Variants in ZNF469 observed in about 807,000 individuals in gnomAD.
ZNF469 encodes the protein zinc finger protein 469.
A neutral mutation model predicts 1.0 loss-of-function variants in ZNF469; 1 was observed. The ratio of observed to expected loss-of-function variants is 1.00; its 90% CI spans 0.35 to 4.73. ZNF469 has a LOEUF of 4.73. Ranked by LOEUF, ZNF469 falls within the 30% of genes most tolerant of loss-of-function variation. The pLI, the probability that ZNF469 is intolerant of heterozygous loss-of-function variation, is 0.16. For missense variants in ZNF469, 6,100 were observed against 5,356.3 expected, an observed-to-expected ratio of 1.14 and a Z score of -4.33; for synonymous variants, 2,703 against 2,363.4, an observed-to-expected ratio of 1.14 and a Z score of -4.17.
At chr16:88,276,413 A>G in the ZNF469 span, 2 of 152,070 alleles carry the variant, frequency 1.3e-5, no homozygotes, top group Non-Finnish European at 2.9e-5. Context: ...GCTGCACCCT[A>G]CTGGTTTCCC....
chr16:88,265,563 C>T, the ZNF469 span, among the ~76,000 whole-genome samples: 4 of 152,178 alleles, frequency 2.6e-5, no homozygotes, highest in Non-Finnish European at 4.4e-5. Flanking sequence ...TAAAGGAGTG[C>T]GTGCAGCGTG....
intron 1 of ZNF469, among the ~76,000 whole-genome samples, chr16:88,384,668 C>T (rs1274325789): frequency 6.6e-6 from 1 of 152,210 alleles, no homozygotes; most frequent in African/African-American, 2.4e-5. Context: ...TCAAAGGGAA[C>T]CCAGGGGCCC....
chr16:88,219,977 A>T, the ZNF469 span, among the ~76,000 whole-genome samples: 1 of 152,204 alleles, frequency 6.6e-6, no homozygotes, highest in African/African-American at 2.4e-5. Flanking sequence ...TCCCCTAGAG[A>T]GAAAGCATCT....
At chr16:88,143,723 A>C in the ZNF469 span, among the ~76,000 whole-genome samples, 1 of 152,226 alleles carries the variant, frequency 6.6e-6, no homozygotes, top group Non-Finnish European at 1.5e-5. Context: ...GCTCTAATTA[A>C]GGGAACGTTG....
chr16:88,168,022 G>A, the ZNF469 span, among the ~76,000 whole-genome samples: 24 of 152,326 alleles, frequency 1.6e-4, no homozygotes, highest in East Asian at 4.2e-3. This position sits in a 1 kb window ranked among gnomAD's most constrained non-coding sequence, Gnocchi z 4.3. Flanking sequence ...CACCCGCTTC[G>A]CGATGAACCC....
chr16:88,178,781 C>T, the ZNF469 span: 5 of 152,212 alleles, frequency 3.3e-5, no homozygotes, highest in African/African-American at 7.2e-5. Context: ...CACAGTCACT[C>T]ACTCATTCAG....
chr16:88,252,967 C>G, the ZNF469 span, among the ~76,000 whole-genome samples: 1 of 152,180 alleles, frequency 6.6e-6, no homozygotes, highest in East Asian at 1.9e-4. Flanking sequence ...AGCATACGTT[C>G]CTTTGTATCT....
At chr16:88,286,421 C>A in the ZNF469 span, among the ~76,000 whole-genome samples, 3 of 152,246 alleles carry the variant, frequency 2.0e-5, no homozygotes, top group Non-Finnish European at 2.9e-5. Context: ...GTGCCCTCTT[C>A]TCCCTGCCCC....
chr16:88,276,370 T>G, the ZNF469 span: 1 of 152,298 alleles, frequency 6.6e-6, no homozygotes, highest in South Asian at 2.1e-4. Context: ...GCCCCTCTCC[T>G]CCACGGGGCC....
the ZNF469 span, among the ~76,000 whole-genome samples, chr16:88,372,722 C>T: frequency 6.7e-6 from 1 of 148,680 alleles, no homozygotes; most frequent in African/African-American, 2.5e-5. Flanking sequence ...TCATCATGAT[C>T]TTATCATCTT....
chr16:88,318,481 A>G, the ZNF469 span, among the ~76,000 whole-genome samples: 36 of 152,322 alleles, frequency 2.4e-4, no homozygotes, highest in African/African-American at 8.7e-4. Context: ...CCCCAGCTGC[A>G]TCTCAGGATC....
chr16:88,178,866 G>GCCTTCACCTGGAGGCCA, the ZNF469 span: 1 of 144,552 alleles, frequency 6.9e-6, no homozygotes, highest in African/African-American at 2.6e-5. Flanking sequence ...CCTGGAGGCC[G>GCCTTCACCTGGAGGCCA]CCTTCACCTG....
the ZNF469 span, among the ~76,000 whole-genome samples, chr16:88,167,766 GC>G: frequency 6.6e-6 from 1 of 152,224 alleles, no homozygotes. Context: ...TGGCCACCAA[GC>G]CCCCTCCCCT....
At chr16:88,418,966 G>A (rs1597201005) in intron 1 of ZNF469, among the ~76,000 whole-genome samples, 3 of 152,168 alleles carry the variant, frequency 2.0e-5, no homozygotes, top group African/African-American at 4.8e-5. Flanking sequence ...TGGGCTGCTC[G>A]GCTCCACCAG....
the ZNF469 span, among the ~76,000 whole-genome samples, chr16:88,365,782 C>T: frequency 1.9e-4 from 29 of 152,230 alleles, no homozygotes; most frequent in South Asian, 5.4e-3. Context: ...CATCTGTGGT[C>T]GGGGTAAGTG....
At chr16:88,279,649 A>G in the ZNF469 span, among the ~76,000 whole-genome samples, 4,825 of 24,788 alleles carry the variant, frequency 0.19, 493 homozygotes, top group East Asian at 0.37. Flanking sequence ...GGTCAGTACC[A>G]TGTAGATATC....
At chr16:88,359,810 G>A in the ZNF469 span, among the ~76,000 whole-genome samples, 1 of 152,156 alleles carries the variant, frequency 6.6e-6, no homozygotes, top group African/African-American at 2.4e-5. Flanking sequence ...ATTCTACAGT[G>A]ATGATCCATA....
the ZNF469 span, among the ~76,000 whole-genome samples, chr16:88,305,284 G>A: frequency 1.7e-5 from 2 of 116,386 alleles, no homozygotes; most frequent in African/African-American, 6.6e-5. Flanking sequence ...ATGCTCTCAG[G>A]CACACACACA....
the ZNF469 span, among the ~76,000 whole-genome samples, chr16:88,229,509 G>A: frequency 6.6e-6 from 1 of 152,254 alleles, no homozygotes; most frequent in South Asian, 2.1e-4. Flanking sequence ...CTGTCTGAAT[G>A]ATGAATGTGT....
Sources: gnomAD v4.1 joint callset for allele counts (sites outside exome capture counted in the v4.1 genomes callset) on GRCh38, gnomAD v4.1.1 for gene constraint, Gnocchi (gnomAD v3.1) non-coding constraint, MANE v1.5 for transcripts, NCBI Gene and HGNC (gene_info 2026-07-23, HGNC 2026-07-21) for gene names.